The following CMC1 variants were observed in gnomAD, a reference collection of about 807,000 sequenced individuals.
The protein encoded by CMC1 is C-X9-C motif containing 1, also known as COX assembly mitochondrial protein homolog.
A neutral mutation model predicts 14.1 loss-of-function variants in CMC1; 14 were observed. That is an observed-to-expected ratio of 0.99 (90% confidence interval 0.66 to 1.55). The LOEUF (loss-of-function observed/expected upper bound fraction) is 1.55. CMC1 is among the 40% of genes most tolerant of loss of function. The probability of loss-of-function intolerance (pLI) is 0.00; values close to 1 mark genes in which losing one functional copy is unlikely to be tolerated. For missense variants in CMC1, 127 were observed against 123.8 expected, an observed-to-expected ratio of 1.03 and a Z score of -0.12; for synonymous variants, 50 against 38.4, an observed-to-expected ratio of 1.30 and a Z score of -1.12.
At chr3:28,242,024 G>A in intron 1 of CMC1, 2 of 429,546 alleles carry the variant, frequency 4.7e-6, no homozygotes, top group Non-Finnish European at 7.9e-6. Flanking sequence ...TGCGTTTGTT[G>A]TCTAAAGTAT....
chr3:28,316,353 A>G lies in CMC1; in HGVS notation c.130A>G (p.Asn44Asp). ...TTCAGATTTTACCAAATGTTGCAAG[A>G]ACTCTGGAGTTCTTATGGTAGTAAA... is the stretch of plus-strand genomic sequence containing the variant. ...QVQDFTKCCK[N>D]SGVLMVVKCR... Residue 44 changes from asparagine (N) to aspartate (D), a missense_variant, in exon 3 of 4, where the codon AAC (asparagine) becomes GAC (aspartate). Physicochemically the swap from Asn to Asp is conservative, Grantham distance 23. Transcript: ENST00000466830. The G allele has an allele frequency of 6.3e-7, 1 of 1,575,370 alleles. No individual in the cohort carries two copies. Among genetic ancestry groups the G allele is most frequent in the Non-Finnish European group, 8.6e-7 (1 of 1,162,914 alleles).
At chr3:28,306,459 T>C (rs1254643868) in intron 2 of CMC1, among the ~76,000 whole-genome samples, 1 of 151,944 alleles carries the variant, frequency 6.6e-6, no homozygotes, top group Non-Finnish European at 1.5e-5. Context: ...TGGGATTGAG[T>C]TATTAATGTG....
chr3:28,297,525 C>T (rs1701794923), intron 2 of CMC1, among the ~76,000 whole-genome samples: 1 of 152,012 alleles, frequency 6.6e-6, no homozygotes, highest in African/African-American at 2.4e-5. Context: ...TGGGTGACAG[C>T]AGTTTTAATT....
In CMC1 at chr3:28,277,184, T is replaced by C. The variant is rs77295276; in HGVS notation, c.109+13804T>C. Among the ~76,000 whole-genome samples the C allele has an allele frequency of 7.2e-3, 1,094 of 152,290 alleles. 15 individuals carry two copies. The highest frequency in any genetic ancestry group is 0.022 in the African/African-American group (927 of 41,542). On this transcript the variant is annotated intron_variant, in intron 2 of 3. Coordinates refer to ENST00000466830, the MANE Select transcript of CMC1 (RefSeq NM_182523.2). Reference sequence around the variant, plus strand: ...TTATTCAAATTTTCAGAATATTAAATAAAGGTGATAGAGATTTTATTCTGA... The same window carrying C: ...TTATTCAAATTTTCAGAATATTAAACAAAGGTGATAGAGATTTTATTCTGA...
chr3:28,249,025 T>C (rs1698991571), intron 1 of CMC1, among the ~76,000 whole-genome samples: 1 of 152,134 alleles, frequency 6.6e-6, no homozygotes, highest in South Asian at 2.1e-4. Flanking sequence ...CTCCTGACCT[T>C]GTGATCTGCC....
At chr3:28,261,301 A>G (rs971055067) in intron 1 of CMC1, among the ~76,000 whole-genome samples, 2 of 152,082 alleles carry the variant, frequency 1.3e-5, no homozygotes, top group Non-Finnish European at 2.9e-5. Flanking sequence ...GTTACCAAGA[A>G]TAGAATCTGA....
chr3:28,279,251 G>T (rs1700743805), intron 2 of CMC1, among the ~76,000 whole-genome samples: 1 of 152,184 alleles, frequency 6.6e-6, no homozygotes, highest in Non-Finnish European at 1.5e-5. Context: ...AGTCTTGTTG[G>T]TCTGAAGAAC....
At position 28,241,737 on chromosome 3, in the gene CMC1, C is replaced by A; in HGVS notation, c.-57C>A. On this transcript the variant is annotated 5_prime_UTR_variant, in exon 1 of 4. Coordinates refer to ENST00000466830, the MANE Select transcript of CMC1 (RefSeq NM_182523.2). ...CGAGCCCAAGCCCCTCCCCTCCACTCCCCTTCCTGCGTGCCCCGGAGCCGC... is the reference window on the plus strand; with the variant it reads ...CGAGCCCAAGCCCCTCCCCTCCACTACCCTTCCTGCGTGCCCCGGAGCCGC... The A allele has an allele frequency of 8.1e-7, 1 of 1,241,714 alleles. No individual in the cohort carries two copies. The highest frequency in any genetic ancestry group is 3.0e-4 in the Middle Eastern group (1 of 3,294). The allele number at this position is 1,241,714 out of a possible 1,614,324, so 76.9% of individuals were successfully genotyped here.
intron 2 of CMC1, among the ~76,000 whole-genome samples, chr3:28,267,732 T>C (rs904517064): frequency 1.3e-5 from 2 of 152,210 alleles, no homozygotes; most frequent in African/African-American, 2.4e-5. Context: ...TTTTGTGAAA[T>C]TCCAAAGATA....
intron 2 of CMC1, among the ~76,000 whole-genome samples, chr3:28,308,992 A>G (rs1333677530): frequency 3.6e-4 from 1 of 2,786 alleles, no homozygotes; most frequent in African/African-American, 5.7e-4. Context: ...AAAAAAAAAT[A>G]AATAAATAAA....
intron 1 of CMC1, 120 bp downstream of exon 1, chr3:28,241,932 C>A: frequency 9.7e-7 from 1 of 1,035,324 alleles, no homozygotes; most frequent in Non-Finnish European, 1.2e-6. Context: ...TTGCTTCCAC[C>A]AGCGTCTCCT....
intron 2 of CMC1, among the ~76,000 whole-genome samples, chr3:28,311,320 C>G (rs1702629359): frequency 6.6e-6 from 1 of 152,108 alleles, no homozygotes; most frequent in African/African-American, 2.4e-5. Context: ...GGATTAGATT[C>G]TTTCCAAAAG....
chr3:28,284,730 C>G (rs35322392), intron 2 of CMC1, among the ~76,000 whole-genome samples: 34,757 of 150,286 alleles, frequency 0.23, 4,398 homozygotes, highest in Middle Eastern at 0.3. Context: ...TGTTAGATTT[C>G]TGTGTGTGTG....
chr3:28,316,145 C>T lies in CMC1; in HGVS notation c.110-188C>T, dbSNP rs193095300. ...TGGTGTACATGTCTTTTGTTGAGCA[C>T]GGTACCATGTGCCAAGCACAATGTA... On this transcript the variant is annotated intron_variant, in intron 2 of 3. Transcript: ENST00000466830. The T allele has an allele frequency of 2.3e-4, 91 of 402,262 alleles. No individual in the cohort carries two copies. In the Middle Eastern group the frequency reaches 5.2e-3, roughly 23 times the overall value. 24.9% of individuals were successfully genotyped at this position (402,262 alleles called of 1,614,324 possible). A position where few individuals can be genotyped will look rare whatever the true frequency, so the allele number is the denominator to read the frequency against.
chr3:28,284,224 TCTA>T (rs1701051936), intron 2 of CMC1, among the ~76,000 whole-genome samples: 1 of 152,156 alleles, frequency 6.6e-6, no homozygotes, highest in Non-Finnish European at 1.5e-5. Flanking sequence ...CCTAAATAGG[TCTA>T]CTATTTACTG....
chr3:28,274,212 G>GTTTTTTTTTTTTTTTTTTTTTTTTTTTT (rs376321066), intron 2 of CMC1, among the ~76,000 whole-genome samples: 5 of 88,198 alleles, frequency 5.7e-5, no homozygotes, highest in Admixed American at 1.3e-4. Flanking sequence ...AAGTGTTTTT[G>GTTTTTTTTTTTTTTTTTTTTTTTTTTTT]TTTTTTTCTT....
At chr3:28,319,283 G>C (rs1298747441) in intron 3 of CMC1, 5 of 563,330 alleles carry the variant, frequency 8.9e-6, no homozygotes, top group Non-Finnish European at 1.4e-5. Context: ...GACAGGAGCT[G>C]TGCTTCTCAT....
At chr3:28,305,688 A>G (rs906860864) in intron 2 of CMC1, among the ~76,000 whole-genome samples, 1 of 150,738 alleles carries the variant, frequency 6.6e-6, no homozygotes, top group African/African-American at 2.4e-5. Context: ...TTAGGTCCCA[A>G]TTGTCAATCT....
chr3:28,295,968 T>C (rs1701722127), intron 2 of CMC1, among the ~76,000 whole-genome samples: 1 of 152,106 alleles, frequency 6.6e-6, no homozygotes. Flanking sequence ...CTGGGTTATA[T>C]TTCTCCTATT....
Sources: allele counts gnomAD v4.1 joint callset (sites outside exome capture counted in the v4.1 genomes callset), GRCh38; gene constraint gnomAD v4.1.1; transcripts MANE v1.5; gene names NCBI Gene and HGNC (gene_info 2026-07-23, HGNC 2026-07-21).